The following GALNT13 variants were observed in gnomAD, a reference collection of about 807,000 sequenced individuals.
GALNT13 encodes UDP-GalNAc:polypeptide N-acetylgalactosaminyltransferase 13.
In GALNT13, 28 loss-of-function variants were observed where a neutral mutation model predicts 64.2. The ratio of observed to expected loss-of-function variants is 0.44; its 90% CI spans 0.32 to 0.60. The LOEUF is 0.60. Ranked by LOEUF, GALNT13 falls within the 20% of genes least tolerant of loss-of-function variation. GALNT13 has a pLI of 0.05. For missense variants in GALNT13, 577 were observed against 669.8 expected, an observed-to-expected ratio of 0.86 and a Z score of 1.53; for synonymous variants, 214 against 224.6, an observed-to-expected ratio of 0.95 and a Z score of 0.42.
At chr2:153,986,668 C>G (rs928688413) in intron 3 of GALNT13, among the ~76,000 whole-genome samples, 3 of 151,878 alleles carry the variant, frequency 2.0e-5, no homozygotes, top group African/African-American at 7.2e-5. Flanking sequence ...CTTTTCTGTA[C>G]TAGTGCTTTA....
the GALNT13 span, chr2:153,420,891 G>A: frequency 9.6e-5 from 22 of 228,298 alleles, no homozygotes; most frequent in Non-Finnish European, 1.3e-4. Context: ...CAGCATGCAC[G>A]CAGCTCTCTT....
chr2:154,330,711 A>G (rs1473224303), intron 9 of GALNT13, among the ~76,000 whole-genome samples: 1 of 152,118 alleles, frequency 6.6e-6, no homozygotes, highest in African/African-American at 2.4e-5. Context: ...ACGCTACACC[A>G]TGGATCAAAA....
chr2:154,332,922 G>A (rs1383302894), intron 9 of GALNT13, among the ~76,000 whole-genome samples: 1 of 150,474 alleles, frequency 6.6e-6, no homozygotes, highest in East Asian at 2.0e-4. Context: ...AAAACCCATA[G>A]GTGTATGCCT....
chr2:153,487,655 T>C, the GALNT13 span, among the ~76,000 whole-genome samples: 1 of 152,090 alleles, frequency 6.6e-6, no homozygotes, highest in South Asian at 2.1e-4. Flanking sequence ...AGAGTGGTAA[T>C]GAGGACATGA....
At chr2:154,312,821 G>T (rs553527348) in intron 9 of GALNT13, among the ~76,000 whole-genome samples, 18 of 152,176 alleles carry the variant, frequency 1.2e-4, no homozygotes, top group South Asian at 4.1e-4. Flanking sequence ...CAGAATACCA[G>T]AATCAGATAT....
the GALNT13 span, among the ~76,000 whole-genome samples, chr2:153,180,861 G>A: frequency 6.6e-6 from 1 of 151,204 alleles, no homozygotes; most frequent in Non-Finnish European, 1.5e-5. Context: ...ATGATCCTAG[G>A]TATTTCTGTA....
In GALNT13 at chr2:154,452,724, G is replaced by A. The variant is rs769636971; in HGVS notation, c.*2173G>A. On this transcript the variant is annotated 3_prime_UTR_variant, in exon 13 of 13. Transcript: ENST00000392825. Reference sequence around the variant, plus strand: ...AACAATCTTCAGATGGCTTGAACACGTGCCATTATAGTATCTAACAAAAAG... The same window carrying A: ...AACAATCTTCAGATGGCTTGAACACATGCCATTATAGTATCTAACAAAAAG... 2.6e-5 allele frequency: 4 copies of A among 152,098 alleles called. No homozygotes were observed. Among genetic ancestry groups the A allele is most frequent in the Admixed American group, 6.6e-5 (1 of 15,260 alleles). The allele number at this position is 152,098 out of a possible 1,614,324, so 9.4% of individuals were successfully genotyped here.
chr2:153,747,844 T>C, the GALNT13 span, among the ~76,000 whole-genome samples: 1 of 152,156 alleles, frequency 6.6e-6, no homozygotes, highest in Non-Finnish European at 1.5e-5. Context: ...TTGTTGCAAA[T>C]GACAGGATCT....
intron 11 of GALNT13, among the ~76,000 whole-genome samples, chr2:154,417,296 A>C (rs1700054190): frequency 6.6e-6 from 1 of 151,124 alleles, no homozygotes; most frequent in Admixed American, 6.6e-5. Context: ...AAAAAAAAAA[A>C]AAAAAAACCT....
chr2:154,089,359 T>C (rs759789622), intron 3 of GALNT13, among the ~76,000 whole-genome samples: 4 of 152,026 alleles, frequency 2.6e-5, no homozygotes, highest in East Asian at 1.9e-4. Flanking sequence ...TTTCCTCTTA[T>C]AGCATGAAAC....
chr2:153,618,593 A>T, the GALNT13 span, among the ~76,000 whole-genome samples: 1 of 151,992 alleles, frequency 6.6e-6, no homozygotes, highest in East Asian at 1.9e-4. Flanking sequence ...TCTGTCTGGA[A>T]GATCTGTCCA....
chr2:154,267,880 A>G (rs970693837), intron 8 of GALNT13, among the ~76,000 whole-genome samples: 1 of 152,218 alleles, frequency 6.6e-6, no homozygotes, highest in African/African-American at 2.4e-5. Context: ...CAAATAAGCA[A>G]TTGAGTAAAT....
At chr2:154,295,250 T>C (rs1177919355) in intron 8 of GALNT13, among the ~76,000 whole-genome samples, 3 of 152,190 alleles carry the variant, frequency 2.0e-5, no homozygotes, top group African/African-American at 7.2e-5. Flanking sequence ...CAATTATTGC[T>C]TTTATGCTCT....
chr2:153,650,693 A>G, the GALNT13 span, among the ~76,000 whole-genome samples: 1 of 152,148 alleles, frequency 6.6e-6, no homozygotes, highest in African/African-American at 2.4e-5. Context: ...GCTTGTCTGC[A>G]AAGTATTTTA....
At chr2:154,298,537 T>TATTTATATATAAAATTGTATATATA (rs1553511313) in intron 8 of GALNT13, among the ~76,000 whole-genome samples, 1 of 76,942 alleles carries the variant, frequency 1.3e-5, no homozygotes, top group African/African-American at 5.4e-5. Context: ...AAATTGTATA[T>TATTTATATATAAAATTGTATATATA]ATTTATATAT....
At chr2:153,594,533 T>C in the GALNT13 span, among the ~76,000 whole-genome samples, 1 of 152,114 alleles carries the variant, frequency 6.6e-6, no homozygotes, top group Non-Finnish European at 1.5e-5. Context: ...CCTCATTTTT[T>C]TTGTAATCTT....
intron 9 of GALNT13, among the ~76,000 whole-genome samples, chr2:154,324,078 CTT>C (rs1204334128): frequency 6.6e-6 from 1 of 152,064 alleles, no homozygotes; most frequent in Non-Finnish European, 1.5e-5. Context: ...ATTTAGAAAT[CTT>C]AGTCCCATCC....
chr2:154,261,382 T>C (rs1048056414), intron 8 of GALNT13, among the ~76,000 whole-genome samples: 1 of 152,162 alleles, frequency 6.6e-6, no homozygotes, highest in African/African-American at 2.4e-5. Flanking sequence ...TGCTTTTTAT[T>C]AGACTCTTAA....
the GALNT13 span, among the ~76,000 whole-genome samples, chr2:153,083,484 A>G: frequency 6.6e-6 from 1 of 152,140 alleles, no homozygotes; most frequent in Non-Finnish European, 1.5e-5. Context: ...CATTTCCCTG[A>G]TCATTAATGA....
Sources: allele counts gnomAD v4.1 joint callset (sites outside exome capture counted in the v4.1 genomes callset), GRCh38; gene constraint gnomAD v4.1.1; transcripts MANE v1.5; gene names NCBI Gene and HGNC (gene_info 2026-07-23, HGNC 2026-07-21).